Variants in PIK3R5 observed in about 807,000 individuals in gnomAD.
The protein encoded by PIK3R5 is phosphoinositide 3-kinase regulatory subunit 5.
Under a neutral mutation model 94.9 loss-of-function variants are expected in PIK3R5, and 32 were observed. The observed-to-expected ratio is 0.34, with a 90% CI of 0.25 to 0.45. PIK3R5 has a LOEUF of 0.45. PIK3R5 is among the 20% of genes least tolerant of loss of function. The pLI is 1.00. For missense variants in PIK3R5, 853 were observed against 1,144.6 expected, an observed-to-expected ratio of 0.75 and a Z score of 3.68; for synonymous variants, 443 against 479.4, an observed-to-expected ratio of 0.92 and a Z score of 0.99.
At chr17:8,908,369 G>T (rs924162579) in intron 3 of PIK3R5, among the ~76,000 whole-genome samples, 1 of 152,112 alleles carries the variant, frequency 6.6e-6, no homozygotes, top group Non-Finnish European at 1.5e-5. Flanking sequence ...GCGCTCCAGA[G>T]GTGGTTCAGC....
intron 4 of PIK3R5, 121 bp from the exon 5 acceptor site, chr17:8,905,036 C>T: frequency 5.4e-6 from 6 of 1,102,098 alleles, no homozygotes; most frequent in Non-Finnish European, 7.9e-6. Flanking sequence ...CTGGCCGCAG[C>T]GTGTCCCAGG....
In PIK3R5 at chr17:8,889,724, A is replaced by G. The variant is rs768437932; in HGVS notation, c.811+249T>C. On this transcript the variant is annotated intron_variant, in intron 8 of 18. Coordinates refer to ENST00000447110, the MANE Select transcript of PIK3R5 (RefSeq NM_001142633.3). The surrounding 1 kb of genome is among the most constrained non-coding windows in gnomAD (Gnocchi z 4.1). ...TGCATCACCTTCAACAGAAAAGCCC[A>G]GCCTTTGCCCTCGTAAGCACTCTCT... Among the ~76,000 whole-genome samples, 4 of 152,100 alleles carry G rather than the reference A, an allele frequency of 2.6e-5. No homozygotes were observed. Among genetic ancestry groups the G allele is most frequent in the Non-Finnish European group, 2.9e-5 (2 of 67,994 alleles).
chr17:8,881,968 G>A lies in PIK3R5; in HGVS notation c.2206-87C>T, dbSNP rs61761129. 2.8e-3 allele frequency: 2,704 copies of A among 979,422 alleles called. 46 individuals are homozygous for A. In the African/African-American group the frequency reaches 0.033, roughly 12 times the overall value. 60.7% of individuals were successfully genotyped at this position (979,422 alleles called of 1,614,324 possible). On this transcript the variant is annotated intron_variant, in intron 15 of 18. Transcript: ENST00000447110. The surrounding 1 kb of genome is among the most constrained non-coding windows in gnomAD (Gnocchi z 4.8). ...TTTGAAGGCCCATCAGTGACAGGGG[G>A]TTGCCTCTAGTTAGCATATCCCCAG...
chr17:8,912,904 T>G (rs1035098348), intron 1 of PIK3R5, among the ~76,000 whole-genome samples: 13 of 152,162 alleles, frequency 8.5e-5, no homozygotes, highest in Admixed American at 3.3e-4. Flanking sequence ...GGCTATGCAT[T>G]CCAAAGCCGG....
Position 8,911,060 on chromosome 17 carries a change from G to C in PIK3R5, c.103+332C>G, listed in dbSNP as rs1053508443. The stretch of plus-strand genomic sequence containing the variant: ...CAAACAAACAGGAGAATTCTGGGGA[G>C]AGCTGCCTGTGAATTCCCAGCTGCT... On this transcript the variant is annotated intron_variant, in intron 2 of 18. Coordinates refer to ENST00000447110, the MANE Select transcript of PIK3R5 (RefSeq NM_001142633.3). The surrounding 1 kb of genome is among the most constrained non-coding windows in gnomAD (Gnocchi z 5.3). 6.6e-6 allele frequency among the ~76,000 whole-genome samples: 1 copy of C among 152,190 alleles called. No homozygotes were observed. Among genetic ancestry groups the C allele is most frequent in the Non-Finnish European group, 1.5e-5 (1 of 68,028 alleles).
At position 8,887,663 on chromosome 17, in the gene PIK3R5, G is replaced by T; in HGVS notation, c.1637C>A (p.Pro546Gln). The T allele has an allele frequency of 1.2e-6, 2 of 1,603,142 alleles. No individual in the cohort carries two copies. The highest frequency in any genetic ancestry group is 1.7e-6 in the Non-Finnish European group (2 of 1,174,798). The change falls in exon 11 of 19, where the codon CCA (proline) becomes CAA (glutamine). Residue 546 changes from proline (P) to glutamine (Q), a missense_variant. This residue lies in a region of PIK3R5 where 319 missense variants were observed against 339.8 expected (regional missense o/e 0.94). Transcript: ENST00000447110. ...AAGTTTGAAGAACCGTGTGAGGAGT[G>T]GGCGATTGTTCTCCAGCCGCCTGGC... ...SNLRRLENNRPLLTRFFKLQF... is the reference protein window; with the variant it reads ...SNLRRLENNRQLLTRFFKLQF...
rs570324756 is a variant in PIK3R5 at position 8,925,588 on chromosome 17, C to A, written c.-13-14081G>T. Among the ~76,000 whole-genome samples, 1 of 152,262 alleles carries A rather than the reference C, an allele frequency of 6.6e-6. No homozygotes were observed. The highest frequency in any genetic ancestry group is 2.4e-5 in the African/African-American group (1 of 41,556). On this transcript the variant is annotated intron_variant, in intron 1 of 18. Coordinates refer to ENST00000447110, the MANE Select transcript of PIK3R5 (RefSeq NM_001142633.3). This position sits in a 1 kb window ranked among gnomAD's most constrained non-coding sequence, Gnocchi z 5.1. ...GATAGAGAAAAAAGGAACACACATG[C>A]ATACAATCCAAACTGAAACCAACAC...
chr17:8,888,372 C>G lies in PIK3R5; in HGVS notation c.1415G>C (p.Arg472Pro), dbSNP rs761731757. 9 of 1,606,982 alleles carry G rather than the reference C, an allele frequency of 5.6e-6. 1 individual carries two copies. The highest frequency in any genetic ancestry group is 2.2e-5 in the South Asian group (2 of 90,732). Residue 472 changes from arginine to proline, a missense_variant, in exon 10 of 19, where the codon CGG (arginine) becomes CCG (proline). Transcript: ENST00000447110. The surrounding 1 kb of genome is among the most constrained non-coding windows in gnomAD (Gnocchi z 7.8). ...PLDEPVSPPS[R>P]AQRSRSLPQP... Reference sequence around the variant, plus strand: ...GGGCAGGGAGCGGGAGCGCTGGGCCCGGGAAGGGGGTGATACTGGTTCGTC... The same window carrying G: ...GGGCAGGGAGCGGGAGCGCTGGGCCGGGGAAGGGGGTGATACTGGTTCGTC...
intron 1 of PIK3R5, among the ~76,000 whole-genome samples, chr17:8,934,760 A>G (rs1238819164): frequency 6.6e-6 from 1 of 151,990 alleles, no homozygotes; most frequent in Non-Finnish European, 1.5e-5. Flanking sequence ...CATAAATAGA[A>G]CCATAGTATA....
intron 1 of PIK3R5, among the ~76,000 whole-genome samples, chr17:8,951,876 C>T (rs1317782605): frequency 1.3e-5 from 2 of 152,228 alleles, no homozygotes; most frequent in African/African-American, 2.4e-5. Context: ...TTTTAGATCA[C>T]GTTTCCCAGA....
At position 8,888,601 on chromosome 17, in the gene PIK3R5, C is replaced by T. The variant is rs958905941; in HGVS notation, c.1186G>A (p.Glu396Lys). The T allele has an allele frequency of 3.1e-6, 5 of 1,612,156 alleles. No individual in the cohort carries two copies. Among genetic ancestry groups the T allele is most frequent in the East Asian group, 2.2e-5 (1 of 44,870 alleles). The change falls in exon 10 of 19, where the codon GAG (glutamate) becomes AAG (lysine). Residue 396 changes from glutamate to lysine, a missense_variant. Physicochemically the swap from Glu to Lys is moderately conservative, Grantham distance 56. Transcript: ENST00000447110. The surrounding 1 kb of genome is among the most constrained non-coding windows in gnomAD (Gnocchi z 7.8). ...GMDSGYVEDSEESSSEWPWRR... is the reference protein window; with the variant it reads ...GMDSGYVEDSKESSSEWPWRR... The stretch of plus-strand genomic sequence containing the variant: ...CAAGGCCACTCGGAGGAGCTCTCCT[C>T]GCTGTCCTCCACGTAGCCGCTGTCC...
intron 1 of PIK3R5, among the ~76,000 whole-genome samples, chr17:8,961,192 C>A (rs964595261): frequency 6.6e-6 from 1 of 152,144 alleles, no homozygotes; most frequent in African/African-American, 2.4e-5. Flanking sequence ...CAGGGAAGAG[C>A]AATCTGGGGA....
chr17:8,913,448 C>G lies in PIK3R5; in HGVS notation c.-13-1941G>C, dbSNP rs575389119. On this transcript the variant is annotated intron_variant, in intron 1 of 18. Coordinates refer to ENST00000447110, the MANE Select transcript of PIK3R5 (RefSeq NM_001142633.3). ...GTGGCTGGGTGCGGTGGCTCATGCC[C>G]GTAATCCCAGCACTTTGGGAGGCCA... 3.9e-5 allele frequency among the ~76,000 whole-genome samples: 6 copies of G among 152,240 alleles called. No individual in the cohort carries two copies. In the East Asian group the frequency reaches 9.7e-4, roughly 25 times the overall value.
chr17:8,949,198 C>T (rs1234338064), intron 1 of PIK3R5, among the ~76,000 whole-genome samples: 5 of 152,190 alleles, frequency 3.3e-5, no homozygotes, highest in Non-Finnish European at 7.3e-5. Context: ...AGACTGTGAA[C>T]AGCCTTATCT....
Position 8,881,447 on chromosome 17 carries a change from C to T in PIK3R5, c.2382+183G>A, listed in dbSNP as rs2089655511. Among the ~76,000 whole-genome samples, 1 of 152,124 alleles carries T rather than the reference C, an allele frequency of 6.6e-6. No homozygotes were observed. Among genetic ancestry groups the T allele is most frequent in the Non-Finnish European group, 1.5e-5 (1 of 68,000 alleles). On this transcript the variant is annotated intron_variant, in intron 17 of 18. Transcript: ENST00000447110. The surrounding 1 kb of genome is among the most constrained non-coding windows in gnomAD (Gnocchi z 4.8). ...CTGTGTGCATCCCCAAATCATACCC[C>T]TCACCCTGCCTCTCCTCCCCCACCT... is the stretch of plus-strand genomic sequence containing the variant.
chr17:8,884,210 C>T lies in PIK3R5; in HGVS notation c.2205+497G>A, dbSNP rs929817908. 1.3e-5 allele frequency among the ~76,000 whole-genome samples: 2 copies of T among 152,132 alleles called. No individual in the cohort carries two copies. Among genetic ancestry groups the T allele is most frequent in the African/African-American group, 4.8e-5 (2 of 41,428 alleles). On this transcript the variant is annotated intron_variant, in intron 15 of 18. Coordinates refer to ENST00000447110, the MANE Select transcript of PIK3R5 (RefSeq NM_001142633.3). The surrounding 1 kb of genome is among the most constrained non-coding windows in gnomAD (Gnocchi z 5.8). ...GAAGCCCACCTGTGAGGCCAAGCTT[C>T]CCTCAGCCTGGACCTTGGGATGCGA...
At chr17:8,900,640 G>A (rs1177458588) in intron 5 of PIK3R5, among the ~76,000 whole-genome samples, 1 of 152,188 alleles carries the variant, frequency 6.6e-6, no homozygotes, top group African/African-American at 2.4e-5. Flanking sequence ...AGTCCCCCCT[G>A]CTCTGAGGCC....
rs914648498 is a variant in PIK3R5 at position 8,889,821 on chromosome 17, T to C, written c.811+152A>G. The C allele has an allele frequency of 1.3e-6, 1 of 740,856 alleles. No homozygotes were observed. Among genetic ancestry groups the C allele is most frequent in the Non-Finnish European group, 2.2e-6 (1 of 447,166 alleles). 45.9% of individuals were successfully genotyped at this position (740,856 alleles called of 1,614,324 possible). The stretch of plus-strand genomic sequence containing the variant: ...CCCTATAGACAGGAATGAGACACCC[T>C]AGGGGATGGCAGAGCAGTGAGATGC... On this transcript the variant is annotated intron_variant, in intron 8 of 18. Transcript: ENST00000447110. This position sits in a 1 kb window ranked among gnomAD's most constrained non-coding sequence, Gnocchi z 4.1.
rs745572056 is a variant in PIK3R5 at position 8,888,137 on chromosome 17, A to G, written c.1616+34T>C. On this transcript the variant is annotated intron_variant, in intron 10 of 18. Coordinates refer to ENST00000447110, the MANE Select transcript of PIK3R5 (RefSeq NM_001142633.3). The surrounding 1 kb of genome is among the most constrained non-coding windows in gnomAD (Gnocchi z 7.8). ...CACCAGCACAACAACCCTGTTACCC[A>G]GGGCAGAGGGATGCTCCGCATTACG... 60 of 1,609,138 alleles carry G rather than the reference A, an allele frequency of 3.7e-5. No homozygotes were observed. The Middle Eastern group carries it at 1.3e-3, about 36-fold the overall frequency.
Sources: gnomAD v4.1 joint callset for allele counts (sites outside exome capture counted in the v4.1 genomes callset) on GRCh38, gnomAD v4.1.1 for gene constraint, gnomAD v4.1.1 regional missense constraint, Gnocchi (gnomAD v3.1) non-coding constraint, MANE v1.5 for transcripts, NCBI Gene and HGNC (gene_info 2026-07-23, HGNC 2026-07-21) for gene names.